TBX4: variants seen among roughly 807,000 people sequenced by gnomAD.
TBX4 encodes the protein T-box transcription factor TBX4.
TBX4 carries 13 observed loss-of-function variants against 54.6 expected under a neutral mutation model. That is an observed-to-expected ratio of 0.24 (90% confidence interval 0.15 to 0.38). TBX4 has a LOEUF of 0.38. TBX4 is among the 10% of genes least tolerant of loss of function. The probability of loss-of-function intolerance (pLI) is 1.00; values close to 1 mark genes in which losing one functional copy is unlikely to be tolerated. For missense variants in TBX4, 631 were observed against 728.5 expected, an observed-to-expected ratio of 0.87 and a Z score of 1.54; for synonymous variants, 314 against 306.7, an observed-to-expected ratio of 1.02 and a Z score of -0.25.
In TBX4 at chr17:61,483,613, AGTGTGTGTGTGTGT is replaced by A. The variant is rs149977669; in HGVS notation, c.*124_*137del. ...ACCAAGAAACACAGGAAGGTATTCC[AGTGTGTGTGTGTGT>A]GTGTGTGTGTGTGTGTGTGTGTGTG... is the stretch of plus-strand genomic sequence containing the variant. On this transcript the variant is annotated 3_prime_UTR_variant, in exon 9 of 9. Coordinates refer to ENST00000644296, the MANE Select transcript of TBX4 (RefSeq NM_001321120.2). The surrounding 1 kb of genome is among the most constrained non-coding windows in gnomAD (Gnocchi z 6.6). The A allele has an allele frequency of 1.1e-4, 90 of 782,770 alleles. No individual in the cohort carries two copies. Among genetic ancestry groups the A allele is most frequent in the Non-Finnish European group, 1.6e-4 (78 of 487,244 alleles). The allele number at this position is 782,770 out of a possible 1,614,324, so 48.5% of individuals were successfully genotyped here.
At chr17:61,458,172 T>C (rs2060468076) in intron 3 of TBX4, among the ~76,000 whole-genome samples, 1 of 151,772 alleles carries the variant, frequency 6.6e-6, no homozygotes, top group South Asian at 2.1e-4. Context: ...GTGTGTGTTG[T>C]TGGGGGAGCG....
chr17:61,469,395 G>A (rs2060559929), intron 5 of TBX4, among the ~76,000 whole-genome samples: 1 of 152,216 alleles, frequency 6.6e-6, no homozygotes, highest in African/African-American at 2.4e-5. Context: ...TGCTGGGGGT[G>A]CCCCTGGCTG....
chr17:61,480,198 C>T lies in TBX4; in HGVS notation c.900C>T (p.Leu300=), dbSNP rs1299098902. Reference sequence around the variant, plus strand: ...CCCTGCTCGGCACCCACCAGGCACTCCAGCACTACCAGCACGAGAACGGGG... The same window carrying T: ...CCCTGCTCGGCACCCACCAGGCACTTCAGCACTACCAGCACGAGAACGGGG... ...VGPLLGTHQA[L]QHYQHENGAH... The change falls in exon 8 of 9, where the codon CTC becomes CTT. Residue 300 remains leucine, a synonymous_variant. Coordinates refer to ENST00000644296, the MANE Select transcript of TBX4 (RefSeq NM_001321120.2). This position sits in a 1 kb window ranked among gnomAD's most constrained non-coding sequence, Gnocchi z 6.2. 1.2e-6 allele frequency: 2 copies of T among 1,614,176 alleles called. No individual in the cohort carries two copies. Among genetic ancestry groups the T allele is most frequent in the South Asian group, 2.2e-5 (2 of 91,076 alleles).
intron 5 of TBX4, among the ~76,000 whole-genome samples, chr17:61,469,387 C>T (rs2060559856): frequency 6.6e-6 from 1 of 152,204 alleles, no homozygotes; most frequent in Non-Finnish European, 1.5e-5. Context: ...GCTTGTGATG[C>T]TGGGGGTGCC....
At chr17:61,473,017 T>C (rs1603253247) in intron 5 of TBX4, among the ~76,000 whole-genome samples, 1 of 152,318 alleles carries the variant, frequency 6.6e-6, no homozygotes, top group South Asian at 2.1e-4. Flanking sequence ...GCTAGTCTTG[T>C]CTATTTTTTC....
At chr17:61,456,432 G>A in intron 1 of TBX4, 56 bp from the exon 2 acceptor site, 1 of 1,540,636 alleles carries the variant, frequency 6.5e-7, no homozygotes, top group Non-Finnish European at 8.8e-7. Context: ...GAGGGCCAGG[G>A]GTCCTCTGGC....
rs762304853 is a variant in TBX4, at chr17:61,478,798, T to TGCCCCACA, written c.702+27_702+34dup. Reference sequence around the variant, plus strand: ...TCACAAGGTACAGCCACTGCCCCACTGCCCCACAGCCCCACTTAACACCAC... The same window carrying TGCCCCACA: ...TCACAAGGTACAGCCACTGCCCCACTGCCCCACAGCCCCACAGCCCCACTTAACACCAC... On this transcript the variant is annotated intron_variant, in intron 6 of 8. Transcript: ENST00000644296. The surrounding 1 kb of genome is among the most constrained non-coding windows in gnomAD (Gnocchi z 7.4). 3.1e-6 allele frequency: 5 copies of TGCCCCACA among 1,613,886 alleles called. No individual in the cohort carries two copies. In the African/African-American group the frequency reaches 5.3e-5, roughly 17 times the overall value.
At position 61,480,454 on chromosome 17, in the gene TBX4, T is replaced by C; in HGVS notation, c.1021+135T>C. The stretch of plus-strand genomic sequence containing the variant: ...CTTGTGTGGCCTGGGAGAGTGGGCC[T>C]GAAGGGTTAGGGATCACAGCTGGGC... On this transcript the variant is annotated intron_variant, in intron 8 of 8. Coordinates refer to ENST00000644296, the MANE Select transcript of TBX4 (RefSeq NM_001321120.2). This position sits in a 1 kb window ranked among gnomAD's most constrained non-coding sequence, Gnocchi z 6.2. The C allele has an allele frequency of 4.7e-6, 4 of 849,784 alleles. No homozygotes were observed. Among genetic ancestry groups the C allele is most frequent in the Non-Finnish European group, 5.7e-6 (3 of 524,214 alleles). 52.6% of individuals were successfully genotyped at this position (849,784 alleles called of 1,614,324 possible). A position where few individuals can be genotyped will look rare whatever the true frequency, so the allele number is the denominator to read the frequency against.
chr17:61,456,685 G>C lies in TBX4; in HGVS notation c.186+9G>C. 1 of 1,380,384 alleles carries C rather than the reference G, an allele frequency of 7.2e-7. No homozygotes were observed. The highest frequency in any genetic ancestry group is 1.6e-5 in the South Asian group (1 of 60,660). 85.5% of individuals were successfully genotyped at this position (1,380,384 alleles called of 1,614,324 possible). A position where few individuals can be genotyped will look rare whatever the true frequency, so the allele number is the denominator to read the frequency against. On this transcript the variant is annotated intron_variant, in intron 2 of 8. Transcript: ENST00000644296. ...CCGCCGCCGCGGAGCAGGTAGGGCT[G>C]CGCCAGCCGTCGGGTAGAAGTCGGG...
chr17:61,468,263 G>A (rs923536367), intron 5 of TBX4, among the ~76,000 whole-genome samples: 1 of 152,214 alleles, frequency 6.6e-6, no homozygotes, highest in Non-Finnish European at 1.5e-5. Context: ...AAGCCCCAGG[G>A]ATGCTGCTGA....
intron 8 of TBX4, 24 bp from the exon 9 acceptor site, chr17:61,482,872 TC>T (rs751670876): frequency 2.5e-6 from 4 of 1,611,602 alleles, no homozygotes; most frequent in Admixed American, 3.3e-5. Flanking sequence ...AAATGGTTCT[TC>T]CTGAATGTTA....
At position 61,461,395 on chromosome 17, in the gene TBX4, A is replaced by T. The variant is rs1012331612; in HGVS notation, c.281+3764A>T. On this transcript the variant is annotated intron_variant, in intron 3 of 8. Coordinates refer to ENST00000644296, the MANE Select transcript of TBX4 (RefSeq NM_001321120.2). This position sits in a 1 kb window ranked among gnomAD's most constrained non-coding sequence, Gnocchi z 5.1. ...GGTGGCACCAGCAGCCCCACTCCTA[A>T]CCCCAGCCTTGGATGCTGGGCCCTG... Among the ~76,000 whole-genome samples, 1 of 151,980 alleles carries T rather than the reference A, an allele frequency of 6.6e-6. No homozygotes were observed. The highest frequency in any genetic ancestry group is 2.4e-5 in the African/African-American group (1 of 41,360).
At position 61,479,699 on chromosome 17, in the gene TBX4, G is replaced by A. The variant is rs2060649522; in HGVS notation, c.703-182G>A. Among the ~76,000 whole-genome samples, 1 of 152,156 alleles carries A rather than the reference G, an allele frequency of 6.6e-6. No homozygotes were observed. The highest frequency in any genetic ancestry group is 2.4e-5 in the African/African-American group (1 of 41,436). ...TGCCTGTGCCTGGGGTTGGGGAGGA[G>A]GGAAGGCCAGAGGCCAGTCCAGTCC... is the stretch of plus-strand genomic sequence containing the variant. On this transcript the variant is annotated intron_variant, in intron 6 of 8. Coordinates refer to ENST00000644296, the MANE Select transcript of TBX4 (RefSeq NM_001321120.2). The surrounding 1 kb of genome is among the most constrained non-coding windows in gnomAD (Gnocchi z 6.1).
chr17:61,458,102 C>T (rs1355514242), intron 3 of TBX4, among the ~76,000 whole-genome samples: 1 of 151,940 alleles, frequency 6.6e-6, no homozygotes, highest in Non-Finnish European at 1.5e-5. Context: ...ATCCCAGGGG[C>T]GCCGCTCTTC....
intron 5 of TBX4, among the ~76,000 whole-genome samples, chr17:61,471,756 G>A (rs369943830): frequency 2.0e-5 from 3 of 151,758 alleles, no homozygotes; most frequent in East Asian, 1.9e-4. Context: ...ATAGAGTTTC[G>A]CTCTTGTTGC....
Position 61,460,467 on chromosome 17 carries a change from CCAAA to C in TBX4, c.281+2840_281+2843del, listed in dbSNP as rs986626781. On this transcript the variant is annotated intron_variant, in intron 3 of 8. Coordinates refer to ENST00000644296, the MANE Select transcript of TBX4 (RefSeq NM_001321120.2). The surrounding 1 kb of genome is among the most constrained non-coding windows in gnomAD (Gnocchi z 4.4). ...TTCACTGGATAGTGACTTTGAACTGCCAAACAATTTGGCCTGGTGGATAAAATGC... is the reference window on the plus strand; with the variant it reads ...TTCACTGGATAGTGACTTTGAACTGCCAATTTGGCCTGGTGGATAAAATGC... 3.2e-4 allele frequency among the ~76,000 whole-genome samples: 49 copies of C among 152,182 alleles called. No homozygotes were observed. The highest frequency in any genetic ancestry group is 5.3e-4 in the Non-Finnish European group (36 of 68,038).
intron 5 of TBX4, among the ~76,000 whole-genome samples, chr17:61,477,896 G>T (rs149491718): frequency 6.9e-6 from 1 of 145,256 alleles, no homozygotes; most frequent in African/African-American, 2.6e-5. Context: ...AGCCAAGATT[G>T]CGGCACTGCA....
At chr17:61,473,476 G>A (rs2060595662) in intron 5 of TBX4, among the ~76,000 whole-genome samples, 2 of 152,252 alleles carry the variant, frequency 1.3e-5, no homozygotes. Context: ...GCCAGGGGCA[G>A]ATGTCCCCCC....
chr17:61,482,913 C>G lies in TBX4; in HGVS notation c.1038C>G (p.His346Gln). Residue 346 changes from histidine (H) to glutamine (Q), a missense_variant, in exon 9 of 9, where the codon CAC becomes CAG. Physicochemically the swap from His to Gln is conservative, Grantham distance 24. Transcript: ENST00000644296. The stretch of plus-strand genomic sequence containing the variant: ...GTCTTTCAGCAGACGGTACCCGCCA[C>G]CTGGACTTACCTTGCAAGCGATCCT... ...CLKRRADGTRHLDLPCKRSYL... is the reference protein window; with the variant it reads ...CLKRRADGTRQLDLPCKRSYL... 6.2e-7 allele frequency: 1 copy of G among 1,613,798 alleles called. No homozygotes were observed. Among genetic ancestry groups the G allele is most frequent in the Non-Finnish European group, 8.5e-7 (1 of 1,179,888 alleles).
Sources: gnomAD v4.1 joint callset for allele counts (sites outside exome capture counted in the v4.1 genomes callset) on GRCh38, gnomAD v4.1.1 for gene constraint, Gnocchi (gnomAD v3.1) non-coding constraint, MANE v1.5 for transcripts, NCBI Gene and HGNC (gene_info 2026-07-23, HGNC 2026-07-21) for gene names.